The following TSC22D2 variants were observed in gnomAD, a reference collection of about 807,000 sequenced individuals.
TSC22D2 encodes the protein TSC22 domain family member 2, also known as TSC22 domain family protein 2.
TSC22D2 carries 5 observed loss-of-function variants against 50.1 expected under a neutral mutation model. That is an observed-to-expected ratio of 0.10 (90% CI 0.05 to 0.21). The LOEUF (loss-of-function observed/expected upper bound fraction) is 0.21, where lower values mean the gene tolerates loss of function less well. TSC22D2 is among the 10% of genes least tolerant of loss of function. The probability of loss-of-function intolerance (pLI) is 1.00; values close to 1 mark genes in which losing one functional copy is unlikely to be tolerated. For missense variants in TSC22D2, 1,003 were observed against 1,015.5 expected (o/e 0.99, Z 0.17); for synonymous variants, 501 against 450.1 (o/e 1.11, Z -1.43).
At position 150,459,572 on chromosome 3, in the gene TSC22D2, GTTTTTTTTTTTTTGTC is replaced by G. The variant is rs1263812607; in HGVS notation, c.*950_*965del. The G allele has an allele frequency of 5.2e-5, 6 of 115,564 alleles. No individual in the cohort carries two copies. The highest frequency in any genetic ancestry group is 1.6e-4 in the African/African-American group (5 of 30,710). 7.2% of individuals were successfully genotyped at this position (115,564 alleles called of 1,614,324 possible). A position where few individuals can be genotyped will look rare whatever the true frequency, so the allele number is the denominator to read the frequency against. On this transcript the variant is annotated 3_prime_UTR_variant, in exon 3 of 3. Coordinates refer to ENST00000688009, the MANE Select transcript of TSC22D2 (RefSeq NM_001303264.2). ...TAATGGAGTTTGGTTTTTTTTTGTT[GTTTTTTTTTTTTTGTC>G]TTTTTTTTTTTTTATAATGCACATT...
intron 1 of TSC22D2, among the ~76,000 whole-genome samples, chr3:150,416,879 T>G (rs80249865): frequency 0.021 from 3,259 of 152,264 alleles, 116 homozygotes; most frequent in African/African-American, 0.074. Context: ...TATCTCAAAT[T>G]TAAAGCCTCA....
chr3:150,444,490 A>T (rs1018246973), intron 1 of TSC22D2, among the ~76,000 whole-genome samples: 14 of 152,196 alleles, frequency 9.2e-5, no homozygotes, highest in African/African-American at 3.4e-4. Flanking sequence ...ATTATGGACG[A>T]ATCAGAGAAG....
At chr3:150,452,235 C>T (rs1282375095) in intron 1 of TSC22D2, among the ~76,000 whole-genome samples, 6 of 152,066 alleles carry the variant, frequency 3.9e-5, no homozygotes, top group Admixed American at 3.3e-4. Flanking sequence ...CATCTGAGGT[C>T]GGGAGTTCGA....
intron 1 of TSC22D2, among the ~76,000 whole-genome samples, chr3:150,418,044 G>C (rs1719882932): frequency 6.6e-6 from 1 of 152,022 alleles, no homozygotes; most frequent in Admixed American, 6.6e-5. Context: ...CTTCATGAGA[G>C]AACTGCAAAC....
intron 1 of TSC22D2, chr3:150,423,229 A>G: frequency 1.4e-6 from 1 of 716,836 alleles, no homozygotes; most frequent in Non-Finnish European, 2.3e-6. Context: ...TAGGGGGGAA[A>G]TCACATGGTA....
chr3:150,448,756 A>C (rs1447027411), intron 1 of TSC22D2, among the ~76,000 whole-genome samples: 1 of 152,142 alleles, frequency 6.6e-6, no homozygotes, highest in East Asian at 1.9e-4. Context: ...ATGGCTCTAC[A>C]AGAAAAAAGT....
At position 150,466,399 on chromosome 3, in the gene TSC22D2, TAATAAATTAGA is replaced by T. The variant is rs1721546343; in HGVS notation, c.*7770_*7780del. ...ATGTATTGTTTGTGTAATGACAAAT[TAATAAATTAGA>T]AATAAAATAAAATAATGTGTTTTCT... On this transcript the variant is annotated 3_prime_UTR_variant, in exon 3 of 3. Coordinates refer to ENST00000688009, the MANE Select transcript of TSC22D2 (RefSeq NM_001303264.2). The T allele has an allele frequency of 1.3e-5, 2 of 152,198 alleles. No homozygotes were observed. The highest frequency in any genetic ancestry group is 6.6e-5 in the Admixed American group (1 of 15,260). 9.4% of individuals were successfully genotyped at this position (152,198 alleles called of 1,614,324 possible).
chr3:150,411,656 G>T (rs1443011201), intron 1 of TSC22D2, among the ~76,000 whole-genome samples: 1 of 151,704 alleles, frequency 6.6e-6, no homozygotes, highest in Non-Finnish European at 1.5e-5. Context: ...ACTTGAACAC[G>T]TAAGGCAGAG....
chr3:150,428,971 A>G lies in TSC22D2; in HGVS notation c.1958+17663A>G, dbSNP rs549225675. 3.3e-5 allele frequency among the ~76,000 whole-genome samples: 5 copies of G among 152,160 alleles called. No homozygotes were observed. The South Asian group carries it at 8.3e-4, about 25-fold the overall frequency. On this transcript the variant is annotated intron_variant, in intron 1 of 2. Transcript: ENST00000688009. ...AATTTTAGTTACATTTAAAATGCCTACTCTGGAGTTTTATTTCCCCAACTT... is the reference window on the plus strand; with the variant it reads ...AATTTTAGTTACATTTAAAATGCCTGCTCTGGAGTTTTATTTCCCCAACTT...
At position 150,411,094 on chromosome 3, in the gene TSC22D2, A is replaced by G. The variant is rs1437559581; in HGVS notation, c.1744A>G (p.Thr582Ala). 1.2e-6 allele frequency: 2 copies of G among 1,614,126 alleles called. No individual in the cohort carries two copies. The highest frequency in any genetic ancestry group is 1.7e-6 in the Non-Finnish European group (2 of 1,180,024). The change falls in exon 1 of 3, where the codon ACT becomes GCT. Residue 582 changes from threonine (T) to alanine (A), a missense_variant. Thr to Ala is a moderately conservative substitution (Grantham distance 58). This residue lies in a region of TSC22D2 where 696 missense variants were observed against 647.8 expected (regional missense o/e 1.07). Transcript: ENST00000688009. ...ACAGTCTGACCTAAGCCAGTTTCAA[A>G]CTCAGACCCAGCCTTTAGTCGGGCA... Reference protein sequence around the residue: ...LPQSDLSQFQTQTQPLVGQVD... With the variant: ...LPQSDLSQFQAQTQPLVGQVD...
In TSC22D2 at chr3:150,409,523, G is replaced by A. The variant is rs773725619; in HGVS notation, c.173G>A (p.Gly58Asp). 2 of 1,609,836 alleles carry A rather than the reference G, an allele frequency of 1.2e-6. No individual in the cohort carries two copies. The highest frequency in any genetic ancestry group is 2.2e-5 in the East Asian group (1 of 44,692). Residue 58 changes from glycine to aspartate, a missense_variant, in exon 1 of 3, where the codon GGC becomes GAC. By Grantham distance (94) the Gly-to-Asp change is moderately conservative. Transcript: ENST00000688009. This position sits in a 1 kb window ranked among gnomAD's most constrained non-coding sequence, Gnocchi z 7.4. ...GACGTCTCTCGGGCCACGGATTATG[G>A]CCCTGAGGAGGTCTGCGAGCGCAGC... ...IFDVSRATDY[G>D]PEEVCERSSS...
chr3:150,420,244 T>G (rs1330873334), intron 1 of TSC22D2, among the ~76,000 whole-genome samples: 1 of 152,234 alleles, frequency 6.6e-6, no homozygotes, highest in Non-Finnish European at 1.5e-5. Context: ...CAGACTTGAC[T>G]CCTTTAATCT....
chr3:150,438,380 T>C (rs980102584), intron 1 of TSC22D2: 2 of 242,378 alleles, frequency 8.3e-6, no homozygotes, highest in African/African-American at 4.4e-5. Context: ...TTAGATTTTA[T>C]GTATTATACC....
intron 1 of TSC22D2, chr3:150,423,151 T>C (rs1378845609): frequency 6.7e-7 from 1 of 1,490,082 alleles, no homozygotes; most frequent in South Asian, 1.2e-5. Flanking sequence ...AATGCATACA[T>C]GCAAAACTGT....
In TSC22D2 at chr3:150,459,842, AAAAAGT is replaced by A. The variant is rs1198365921; in HGVS notation, c.*1207_*1212del. On this transcript the variant is annotated 3_prime_UTR_variant, in exon 3 of 3. Coordinates refer to ENST00000688009, the MANE Select transcript of TSC22D2 (RefSeq NM_001303264.2). ...CACTAGTTGTAAAAAAAAAAAAAAA[AAAAAGT>A]GAGCCATCTTTTGTTCATTTAAAAT... The A allele has an allele frequency of 1.3e-5, 2 of 151,618 alleles. No individual in the cohort carries two copies. Among genetic ancestry groups the A allele is most frequent in the Non-Finnish European group, 2.9e-5 (2 of 67,814 alleles). The allele number at this position is 151,618 out of a possible 1,614,324, so 9.4% of individuals were successfully genotyped here.
chr3:150,451,857 A>G (rs1033655121), intron 1 of TSC22D2, among the ~76,000 whole-genome samples: 10 of 152,180 alleles, frequency 6.6e-5, no homozygotes, highest in African/African-American at 2.4e-4. Context: ...AAATATGTCC[A>G]TTTTGAAAAA....
Position 150,459,566 on chromosome 3 carries a change from TTTG to T in TSC22D2, c.*936_*938del, listed in dbSNP as rs1576562036. 7.5e-6 allele frequency: 1 copy of T among 133,274 alleles called. No homozygotes were observed. Among genetic ancestry groups the T allele is most frequent in the Non-Finnish European group, 1.6e-5 (1 of 61,500 alleles). The allele number at this position is 133,274 out of a possible 1,614,324, so 8.3% of individuals were successfully genotyped here. ...GCTGTGTAATGGAGTTTGGTTTTTT[TTTG>T]TTGTTTTTTTTTTTTTGTCTTTTTT... On this transcript the variant is annotated 3_prime_UTR_variant, in exon 3 of 3. Transcript: ENST00000688009.
chr3:150,464,249 A>G lies in TSC22D2; in HGVS notation c.*5613A>G, dbSNP rs1408186530. The G allele has an allele frequency of 6.6e-6, 1 of 152,090 alleles. No individual in the cohort carries two copies. The highest frequency in any genetic ancestry group is 2.4e-5 in the African/African-American group (1 of 41,408). The allele number at this position is 152,090 out of a possible 1,614,324, so 9.4% of individuals were successfully genotyped here. A position where few individuals can be genotyped will look rare whatever the true frequency, so the allele number is the denominator to read the frequency against. ...CTGTCATTTCACAGGCATGCAATGTATCTATAGATAGGTCATATCATACCT... is the reference window on the plus strand; with the variant it reads ...CTGTCATTTCACAGGCATGCAATGTGTCTATAGATAGGTCATATCATACCT... On this transcript the variant is annotated 3_prime_UTR_variant, in exon 3 of 3. Coordinates refer to ENST00000688009, the MANE Select transcript of TSC22D2 (RefSeq NM_001303264.2).
intron 1 of TSC22D2, among the ~76,000 whole-genome samples, chr3:150,422,583 A>C (rs956442034): frequency 1.3e-5 from 2 of 152,216 alleles, no homozygotes; most frequent in East Asian, 3.8e-4. Context: ...TTCATTGTTA[A>C]TCAAACCTTT....
Sources: allele counts gnomAD v4.1 joint callset (sites outside exome capture counted in the v4.1 genomes callset), GRCh38; gene constraint gnomAD v4.1.1; regional missense constraint gnomAD v4.1.1; non-coding constraint Gnocchi (gnomAD v3.1); transcripts MANE v1.5; gene names NCBI Gene and HGNC (gene_info 2026-07-23, HGNC 2026-07-21).